DACH1: variants seen among roughly 807,000 people sequenced by gnomAD.
The protein encoded by DACH1 is dachshund family transcription factor 1.
In DACH1, 12 loss-of-function variants were observed where a neutral mutation model predicts 54.2. That is an observed-to-expected ratio of 0.22 (90% CI 0.14 to 0.36). The LOEUF (loss-of-function observed/expected upper bound fraction) is 0.36. Among genes scored for constraint, DACH1 ranks in the 10% least tolerant of loss-of-function variants. The pLI is 1.00. For synonymous variants in DACH1, 386 were observed against 366.2 expected, an observed-to-expected ratio of 1.05 and a Z score of -0.62; for missense variants, 805 against 929.8, an observed-to-expected ratio of 0.87 and a Z score of 1.75.
intron 1 of DACH1, among the ~76,000 whole-genome samples, chr13:71,792,930 A>G (rs1886893783): frequency 6.6e-6 from 1 of 152,178 alleles, no homozygotes. Context: ...ACAGTGGACT[A>G]ATATGAGAGC....
intron 4 of DACH1, among the ~76,000 whole-genome samples, chr13:71,564,526 A>C (rs887040270): frequency 1.3e-5 from 2 of 152,050 alleles, no homozygotes; most frequent in African/African-American, 4.8e-5. Context: ...GAGGACAAAA[A>C]AGGAAAAGCT....
intron 1 of DACH1, among the ~76,000 whole-genome samples, chr13:71,781,588 C>T (rs1476719554): frequency 2.0e-5 from 3 of 151,916 alleles, no homozygotes; most frequent in Non-Finnish European, 4.4e-5. Context: ...CCGTGTTAGC[C>T]AGGATGGTCT....
At chr13:71,525,742 T>G (rs1881909343) in intron 6 of DACH1, among the ~76,000 whole-genome samples, 1 of 152,160 alleles carries the variant, frequency 6.6e-6, no homozygotes, top group African/African-American at 2.4e-5. Flanking sequence ...AACTAAGACA[T>G]TTTCTAACAT....
At chr13:71,758,864 A>T (rs1885279595) in intron 1 of DACH1, among the ~76,000 whole-genome samples, 1 of 151,722 alleles carries the variant, frequency 6.6e-6, no homozygotes, top group African/African-American at 2.4e-5. Context: ...GAAAGTTATT[A>T]TGTACCTTTT....
intron 6 of DACH1, among the ~76,000 whole-genome samples, chr13:71,514,584 G>GAT (rs1384865302): frequency 6.6e-6 from 1 of 151,536 alleles, no homozygotes; most frequent in African/African-American, 2.4e-5. Context: ...TGTATATATA[G>GAT]ATATATATAG....
chr13:71,795,397 T>C (rs543281987), intron 1 of DACH1, among the ~76,000 whole-genome samples: 1 of 152,088 alleles, frequency 6.6e-6, no homozygotes, highest in East Asian at 1.9e-4. Flanking sequence ...TTCGTTCCTC[T>C]CCTTTGCCTT....
At chr13:71,819,580 T>C (rs937150871) in intron 1 of DACH1, among the ~76,000 whole-genome samples, 2 of 152,198 alleles carry the variant, frequency 1.3e-5, no homozygotes, top group African/African-American at 4.8e-5. Context: ...TTAGAGGTCA[T>C]GACTTTGTCT....
At chr13:71,835,552 C>G (rs1888750800) in intron 1 of DACH1, among the ~76,000 whole-genome samples, 1 of 152,020 alleles carries the variant, frequency 6.6e-6, no homozygotes, top group Non-Finnish European at 1.5e-5. Context: ...CTGCTCATCT[C>G]TAAGCTACTG....
chr13:71,838,647 A>T (rs748002171), intron 1 of DACH1, among the ~76,000 whole-genome samples: 12 of 152,170 alleles, frequency 7.9e-5, no homozygotes, highest in Non-Finnish European at 1.8e-4. Context: ...TTTTGAAGCA[A>T]TTTTAGTTTG....
intron 3 of DACH1, among the ~76,000 whole-genome samples, chr13:71,620,281 A>C (rs1876122362): frequency 6.6e-6 from 1 of 152,008 alleles, no homozygotes; most frequent in South Asian, 2.1e-4. Flanking sequence ...CTTAAACTAT[A>C]GAGAGATGAA....
chr13:71,765,148 T>A (rs1359722764), intron 1 of DACH1, among the ~76,000 whole-genome samples: 2 of 152,186 alleles, frequency 1.3e-5, no homozygotes, highest in African/African-American at 4.8e-5. Context: ...AAGTGCAACA[T>A]TTCCATGAAT....
intron 10 of DACH1, 65 bp downstream of exon 10, chr13:71,475,076 A>G: frequency 4.9e-6 from 7 of 1,421,108 alleles, no homozygotes; most frequent in Non-Finnish European, 7.0e-6. Context: ...CTTGAATAGC[A>G]GGCTAAAGCT....
At chr13:71,860,540 A>T (rs1158879133) in intron 1 of DACH1, among the ~76,000 whole-genome samples, 1 of 151,772 alleles carries the variant, frequency 6.6e-6, no homozygotes, top group African/African-American at 2.4e-5. Context: ...TAAAAGAACC[A>T]AGTAACAAAA....
At chr13:71,705,250 T>G (rs1055796045) in intron 1 of DACH1, among the ~76,000 whole-genome samples, 1 of 152,210 alleles carries the variant, frequency 6.6e-6, no homozygotes, top group Admixed American at 6.5e-5. Flanking sequence ...GTAATAATAT[T>G]TTGTGTTAAG....
intron 1 of DACH1, among the ~76,000 whole-genome samples, chr13:71,799,989 G>T (rs748673795): frequency 6.6e-6 from 1 of 152,028 alleles, no homozygotes; most frequent in Non-Finnish European, 1.5e-5. Context: ...TAGGAGTTAC[G>T]TGGGGTGGGG....
chr13:71,724,815 A>G (rs1883396692), intron 1 of DACH1, among the ~76,000 whole-genome samples: 1 of 152,132 alleles, frequency 6.6e-6, no homozygotes, highest in African/African-American at 2.4e-5. Context: ...AGCTCCATAA[A>G]GACTACTTTA....
chr13:71,446,806 T>C (rs1874510511), intron 10 of DACH1, among the ~76,000 whole-genome samples: 1 of 152,200 alleles, frequency 6.6e-6, no homozygotes, highest in African/African-American at 2.4e-5. Context: ...CCTCAATTGG[T>C]CAAACTGAAA....
At chr13:71,630,432 A>G (rs1034317967) in intron 3 of DACH1, 124 bp downstream of exon 3, 45 of 1,406,286 alleles carry the variant, frequency 3.2e-5, no homozygotes, top group East Asian at 2.5e-5. Flanking sequence ...TCAAACATAC[A>G]GTGTTTTCAA....
At chr13:71,552,826 T>C (rs1353197297) in intron 6 of DACH1, among the ~76,000 whole-genome samples, 9 of 48,580 alleles carry the variant, frequency 1.9e-4, no homozygotes, top group South Asian at 6.9e-4. Flanking sequence ...TATATATATA[T>C]ATATATATAT....
Sources: allele counts gnomAD v4.1 joint callset (sites outside exome capture counted in the v4.1 genomes callset), GRCh38; gene constraint gnomAD v4.1.1; transcripts MANE v1.5; gene names NCBI Gene and HGNC (gene_info 2026-07-23, HGNC 2026-07-21).